Variants in ZSWIM6 observed in about 807,000 individuals in gnomAD.
The protein encoded by ZSWIM6 is zinc finger SWIM-type containing 6.
Under a neutral mutation model 113.2 loss-of-function variants are expected in ZSWIM6, and 9 were observed. That is an observed-to-expected ratio of 0.08 (90% CI 0.05 to 0.14). The LOEUF is 0.14. Ranked by LOEUF, ZSWIM6 falls within the 10% of genes least tolerant of loss-of-function variation. ZSWIM6 has a pLI of 1.00. For synonymous variants in ZSWIM6, 611 were observed against 606.5 expected, an observed-to-expected ratio of 1.01 and a Z score of -0.11; for missense variants, 1,162 against 1,552.2, an observed-to-expected ratio of 0.75 and a Z score of 4.22.
rs536182197 is a variant in ZSWIM6 at position 61,475,437 on chromosome 5, G to A, written c.1033+2400G>A. Reference sequence around the variant, plus strand: ...AGGTTGGATGAGAGAATGTGTTCACGTGATGTAGTTCTTTCATAGTTTCTA... The same window carrying A: ...AGGTTGGATGAGAGAATGTGTTCACATGATGTAGTTCTTTCATAGTTTCTA... On this transcript the variant is annotated intron_variant, in intron 2 of 13. Transcript: ENST00000252744. Among the ~76,000 whole-genome samples the A allele has an allele frequency of 5.3e-5, 8 of 152,284 alleles. No individual in the cohort carries two copies. The East Asian group carries it at 1.4e-3, about 26-fold the overall frequency.
chr5:61,334,438 C>T (rs1027621752), intron 1 of ZSWIM6, among the ~76,000 whole-genome samples: 5 of 152,186 alleles, frequency 3.3e-5, no homozygotes, highest in African/African-American at 9.7e-5. Flanking sequence ...TTGGACGCAT[C>T]TCTATCTCTT....
chr5:61,486,170 G>A (rs965833887), intron 2 of ZSWIM6, among the ~76,000 whole-genome samples: 3 of 152,068 alleles, frequency 2.0e-5, no homozygotes, highest in African/African-American at 7.2e-5. Flanking sequence ...ATGCCCTTCT[G>A]TACATAAGCT....
At chr5:61,510,986 G>A (rs553552310) in intron 4 of ZSWIM6, among the ~76,000 whole-genome samples, 1 of 152,180 alleles carries the variant, frequency 6.6e-6, no homozygotes, top group South Asian at 2.1e-4. Context: ...AAATGTTTCA[G>A]GCGTATTGAA....
chr5:61,391,020 A>T (rs867039817), intron 1 of ZSWIM6: 13 of 751,310 alleles, frequency 1.7e-5, no homozygotes, highest in Non-Finnish European at 3.2e-5. Context: ...GGCTGATCTT[A>T]TAGATCTTGT....
At chr5:61,529,803 G>A (rs547617431) in intron 7 of ZSWIM6, among the ~76,000 whole-genome samples, 28 of 152,302 alleles carry the variant, frequency 1.8e-4, no homozygotes, top group Non-Finnish European at 3.2e-4. Context: ...TAGATGTTTG[G>A]GAGCTGTCCT....
chr5:61,362,000 G>A (rs903117168), intron 1 of ZSWIM6, among the ~76,000 whole-genome samples: 1 of 152,072 alleles, frequency 6.6e-6, no homozygotes, highest in Non-Finnish European at 1.5e-5. Flanking sequence ...TGGTTTAAAT[G>A]GATACCAACA....
intron 10 of ZSWIM6, among the ~76,000 whole-genome samples, chr5:61,538,458 T>C (rs557405079): frequency 5.3e-5 from 8 of 152,330 alleles, no homozygotes; most frequent in African/African-American, 1.9e-4. Context: ...AATTCAAAAT[T>C]TGTAGGTAAA....
chr5:61,476,821 A>G (rs1447324249), intron 2 of ZSWIM6, among the ~76,000 whole-genome samples: 1 of 152,158 alleles, frequency 6.6e-6, no homozygotes, highest in Non-Finnish European at 1.5e-5. Context: ...GAGACAGAAC[A>G]CTGAACTTGG....
intron 2 of ZSWIM6, among the ~76,000 whole-genome samples, chr5:61,488,682 A>G (rs1475823681): frequency 2.0e-5 from 3 of 151,670 alleles, no homozygotes; most frequent in Non-Finnish European, 4.4e-5. Flanking sequence ...GATTTTATTT[A>G]TTTGGATCTT....
At chr5:61,355,480 ACACACACACACACACACT>A (rs1255458127) in intron 1 of ZSWIM6, among the ~76,000 whole-genome samples, 5 of 136,000 alleles carry the variant, frequency 3.7e-5, no homozygotes, top group African/African-American at 1.4e-4. Flanking sequence ...ACACACACAC[ACACACACACACACACACT>A]ATTAGATGGC....
intron 7 of ZSWIM6, among the ~76,000 whole-genome samples, chr5:61,529,743 A>G (rs923375322): frequency 4.6e-5 from 7 of 152,260 alleles, no homozygotes; most frequent in Admixed American, 3.3e-4. Flanking sequence ...AACATAATTT[A>G]ATAGTGTAAG....
intron 1 of ZSWIM6, among the ~76,000 whole-genome samples, chr5:61,387,913 A>AG (rs1030959021): frequency 2.1e-5 from 3 of 143,934 alleles, no homozygotes; most frequent in South Asian, 2.2e-4. Context: ...TCCCTCTTTG[A>AG]GGGGGGGAGA....
intron 1 of ZSWIM6, among the ~76,000 whole-genome samples, chr5:61,459,520 G>T (rs2112166802): frequency 6.6e-6 from 1 of 152,268 alleles, no homozygotes; most frequent in Non-Finnish European, 1.5e-5. Flanking sequence ...TACAATAAGA[G>T]TTTAGTTCTT....
chr5:61,350,587 A>G (rs950622329), intron 1 of ZSWIM6, among the ~76,000 whole-genome samples: 2 of 152,214 alleles, frequency 1.3e-5, no homozygotes, highest in South Asian at 4.1e-4. Context: ...TGTAAATTTT[A>G]TATTCTTATT....
chr5:61,503,269 A>G (rs1051294654), intron 4 of ZSWIM6, among the ~76,000 whole-genome samples: 2 of 152,182 alleles, frequency 1.3e-5, no homozygotes, highest in East Asian at 3.9e-4. Flanking sequence ...GATCTGGTTG[A>G]CAGAATACCC....
intron 4 of ZSWIM6, among the ~76,000 whole-genome samples, chr5:61,507,681 G>C (rs1212262661): frequency 6.6e-6 from 1 of 152,162 alleles, no homozygotes; most frequent in East Asian, 1.9e-4. Context: ...AGATGGACCT[G>C]TGTAAGTTTT....
At chr5:61,413,485 G>A (rs987613705) in intron 1 of ZSWIM6, among the ~76,000 whole-genome samples, 42 of 152,016 alleles carry the variant, frequency 2.8e-4, no homozygotes, top group Non-Finnish European at 5.0e-4. Flanking sequence ...GTAAACATAT[G>A]TGTGCCTGTG....
At chr5:61,333,059 C>T (rs1744300866) in intron 1 of ZSWIM6, 111 bp downstream of exon 1, 7 of 1,021,600 alleles carry the variant, frequency 6.9e-6, no homozygotes, top group Middle Eastern at 4.6e-4. Flanking sequence ...GCGCCCGCAC[C>T]CCTGCGGGTG....
At chr5:61,392,777 T>C (rs1745750680) in intron 1 of ZSWIM6, among the ~76,000 whole-genome samples, 1 of 151,750 alleles carries the variant, frequency 6.6e-6, no homozygotes, top group South Asian at 2.1e-4. Context: ...CACCCCCTGC[T>C]AATTTTGTAT....
Sources: allele counts gnomAD v4.1 joint callset (sites outside exome capture counted in the v4.1 genomes callset), GRCh38; gene constraint gnomAD v4.1.1; transcripts MANE v1.5; gene names NCBI Gene and HGNC (gene_info 2026-07-23, HGNC 2026-07-21).